Variants in BCL11A observed in about 807,000 individuals in gnomAD.
BCL11A encodes B cell CLL/lymphoma 11A.
Under a neutral mutation model 55.9 loss-of-function variants are expected in BCL11A, and 2 were observed. The ratio of observed to expected loss-of-function variants is 0.04; its 90% CI spans 0.01 to 0.11. The LOEUF is 0.11. Ranked by LOEUF, BCL11A falls within the 10% of genes least tolerant of loss-of-function variation. BCL11A has a pLI of 1.00. For synonymous variants in BCL11A, 465 were observed against 473.4 expected, an observed-to-expected ratio of 0.98 and a Z score of 0.23; for missense variants, 817 against 1,137.1, an observed-to-expected ratio of 0.72 and a Z score of 4.05.
chr2:60,459,342 C>T lies in BCL11A; in HGVS notation c.*1062G>A, dbSNP rs535402000. The T allele has an allele frequency of 4.6e-5, 47 of 1,017,608 alleles. No individual in the cohort carries two copies. Among genetic ancestry groups the T allele is most frequent in the Non-Finnish European group, 5.1e-5 (43 of 848,292 alleles). The allele number at this position is 1,017,608 out of a possible 1,614,324, so 63.0% of individuals were successfully genotyped here. A position where few individuals can be genotyped will look rare whatever the true frequency, so the allele number is the denominator to read the frequency against. On this transcript the variant is annotated 3_prime_UTR_variant, in exon 4 of 4. Transcript: ENST00000642384. ...AACTCCTTACTAGTGTATTTAATTGCGTTCCAGGGCTTTTGCACATTACAC... is the reference window on the plus strand; with the variant it reads ...AACTCCTTACTAGTGTATTTAATTGTGTTCCAGGGCTTTTGCACATTACAC...
Position 60,538,739 on chromosome 2 carries a change from CTGTGTGTGTGTG to C in BCL11A, c.385+7220_385+7231del, listed in dbSNP as rs777467539. On this transcript the variant is annotated intron_variant, in intron 2 of 3. Transcript: ENST00000642384. ...TGAATGTCTCTCTCTCTCTCTCTCT[CTGTGTGTGTGTG>C]TGTGTGTGTGTGTGTGTGTGTGTGT... Among the ~76,000 whole-genome samples the C allele has an allele frequency of 8.6e-4, 58 of 67,528 alleles. No individual in the cohort carries two copies. In the East Asian group the frequency reaches 0.028, roughly 32 times the overall value. 44.3% of individuals were successfully genotyped at this position (67,528 alleles called of 152,430 possible).
chr2:60,533,756 G>C (rs1669556425), intron 2 of BCL11A: 1 of 152,180 alleles, frequency 6.6e-6, no homozygotes, highest in African/African-American at 2.4e-5. Flanking sequence ...CTCACAGATG[G>C]ACCCCATCAG....
rs374757778 is a variant in BCL11A at position 60,475,983 on chromosome 2, A to G, written c.386-7150T>C. Among the ~76,000 whole-genome samples, 3 of 152,194 alleles carry G rather than the reference A, an allele frequency of 2.0e-5. No individual in the cohort carries two copies. In the East Asian group the frequency reaches 5.8e-4, roughly 29 times the overall value. ...GAATAAATCCTTTCTTTCTGGCCCTAAGTGTTTCCATCTTTAAAAGGAGAA... is the reference window on the plus strand; with the variant it reads ...GAATAAATCCTTTCTTTCTGGCCCTGAGTGTTTCCATCTTTAAAAGGAGAA... On this transcript the variant is annotated intron_variant, in intron 2 of 3. Coordinates refer to ENST00000642384, the MANE Select transcript of BCL11A (RefSeq NM_022893.4).
intron 2 of BCL11A, among the ~76,000 whole-genome samples, chr2:60,470,248 A>G (rs1251657939): frequency 6.6e-6 from 1 of 152,142 alleles, no homozygotes; most frequent in Non-Finnish European, 1.5e-5. Context: ...CTGACCCAAA[A>G]CAAAATAAAC....
intron 2 of BCL11A, among the ~76,000 whole-genome samples, chr2:60,520,132 T>C (rs1057489129): frequency 3.3e-5 from 5 of 152,148 alleles, no homozygotes; most frequent in African/African-American, 9.7e-5. Flanking sequence ...CCAAAGATAA[T>C]AGAATATACC....
intron 2 of BCL11A, among the ~76,000 whole-genome samples, chr2:60,521,077 ACACACACACACACACACACACACT>A (rs1405875935): frequency 1.3e-5 from 1 of 78,902 alleles, no homozygotes; most frequent in Non-Finnish European, 3.0e-5. Context: ...GCACACACAC[ACACACACACACACACACACACACT>A]CACACACACA....
intron 2 of BCL11A, among the ~76,000 whole-genome samples, chr2:60,469,478 C>A (rs932104001): frequency 6.6e-6 from 1 of 152,188 alleles, no homozygotes; most frequent in Non-Finnish European, 1.5e-5. Context: ...TGTGGCTTCT[C>A]ACAATACAAA....
intron 2 of BCL11A, among the ~76,000 whole-genome samples, chr2:60,514,495 T>TAA (rs58972358): frequency 1.1e-4 from 13 of 119,340 alleles, no homozygotes; most frequent in African/African-American, 2.9e-4. Flanking sequence ...CATCTCTACT[T>TAA]AAAAAAAAAA....
chr2:60,507,301 G>A lies in BCL11A; in HGVS notation c.386-38468C>T, dbSNP rs1328636775. ...GGGGAGGGGAGGGGAGGGGAGGGGA[G>A]GGGAGGGGAGGGGAGGGGAAGGGAA... On this transcript the variant is annotated intron_variant, in intron 2 of 3. Coordinates refer to ENST00000642384, the MANE Select transcript of BCL11A (RefSeq NM_022893.4). Among the ~76,000 whole-genome samples the A allele has an allele frequency of 4.7e-3, 6 of 1,278 alleles. 1 individual carries two copies. The highest frequency in any genetic ancestry group is 0.017 in the African/African-American group (3 of 172). The allele number at this position is 1,278 out of a possible 152,430, so 0.8% of individuals were successfully genotyped here. A position where few individuals can be genotyped will look rare whatever the true frequency, so the allele number is the denominator to read the frequency against.
intron 2 of BCL11A, chr2:60,545,640 A>G (rs1670114881): frequency 8.0e-6 from 2 of 249,004 alleles, no homozygotes; most frequent in Non-Finnish European, 1.6e-5. Flanking sequence ...GGACAATGGA[A>G]GCTGGACTAG....
At chr2:60,475,128 G>C (rs1677505480) in intron 2 of BCL11A, among the ~76,000 whole-genome samples, 1 of 152,188 alleles carries the variant, frequency 6.6e-6, no homozygotes, top group South Asian at 2.1e-4. Context: ...CAGAGTAAAT[G>C]GGGCCCAATA....
chr2:60,489,154 A>G (rs1428160485), intron 2 of BCL11A, among the ~76,000 whole-genome samples: 1 of 152,244 alleles, frequency 6.6e-6, no homozygotes, highest in African/African-American at 2.4e-5. Context: ...TTAGACCCCA[A>G]TTAAACTGTT....
chr2:60,498,302 G>A (rs1679068581), intron 2 of BCL11A, among the ~76,000 whole-genome samples: 1 of 151,902 alleles, frequency 6.6e-6, no homozygotes, highest in Admixed American at 6.6e-5. Context: ...ACTGAAGGCT[G>A]GGCACAGCCT....
chr2:60,479,908 G>A (rs1572984160), intron 2 of BCL11A, among the ~76,000 whole-genome samples: 1 of 152,254 alleles, frequency 6.6e-6, no homozygotes, highest in East Asian at 1.9e-4. Context: ...TCCACCAACC[G>A]TTTTTTGATT....
At chr2:60,524,190 C>G (rs944679715) in intron 2 of BCL11A, among the ~76,000 whole-genome samples, 2 of 152,304 alleles carry the variant, frequency 1.3e-5, no homozygotes, top group Admixed American at 6.5e-5. Context: ...ACTGTCCTAG[C>G]GGCAGCTTCC....
chr2:60,460,051 T>TAA lies in BCL11A; in HGVS notation c.*351_*352dup. 1.8e-6 allele frequency: 2 copies of TAA among 1,081,346 alleles called. No individual in the cohort carries two copies. Among genetic ancestry groups the TAA allele is most frequent in the Non-Finnish European group, 1.1e-6 (1 of 891,536 alleles). The allele number at this position is 1,081,346 out of a possible 1,614,324, so 67.0% of individuals were successfully genotyped here. The stretch of plus-strand genomic sequence containing the variant: ...ACATACCATACATGCTGTCTAAGTT[T>TAA]AAAAAAAAACATACACAACATGTAA... On this transcript the variant is annotated 3_prime_UTR_variant, in exon 4 of 4. Transcript: ENST00000642384.
intron 1 of BCL11A, among the ~76,000 whole-genome samples, chr2:60,548,239 T>A (rs186740108): frequency 2.0e-3 from 305 of 151,920 alleles, no homozygotes; most frequent in African/African-American, 7.0e-3. Context: ...GTTTACAGAC[T>A]GAAGGAAGAC....
At chr2:60,495,803 G>A (rs186427268) in intron 2 of BCL11A, 2 of 152,282 alleles carry the variant, frequency 1.3e-5, no homozygotes, top group Admixed American at 1.3e-4. Context: ...TCAAAGACAG[G>A]CAATTCAATA....
In BCL11A at chr2:60,459,667, T is replaced by C. The variant is rs1676124891; in HGVS notation, c.*737A>G. 5 of 1,033,724 alleles carry C rather than the reference T, an allele frequency of 4.8e-6. No individual in the cohort carries two copies. The South Asian group carries it at 1.4e-4, about 29-fold the overall frequency. The allele number at this position is 1,033,724 out of a possible 1,614,324, so 64.0% of individuals were successfully genotyped here. A position where few individuals can be genotyped will look rare whatever the true frequency, so the allele number is the denominator to read the frequency against. On this transcript the variant is annotated 3_prime_UTR_variant, in exon 4 of 4. Coordinates refer to ENST00000642384, the MANE Select transcript of BCL11A (RefSeq NM_022893.4). ...GAAAGAACCATCGATGTGGTTTTAATAGATCCAAGGCACTCATATTTTAAA... is the reference window on the plus strand; with the variant it reads ...GAAAGAACCATCGATGTGGTTTTAACAGATCCAAGGCACTCATATTTTAAA...
Sources: gnomAD v4.1 joint callset for allele counts (sites outside exome capture counted in the v4.1 genomes callset) on GRCh38, gnomAD v4.1.1 for gene constraint, MANE v1.5 for transcripts, NCBI Gene and HGNC (gene_info 2026-07-23, HGNC 2026-07-21) for gene names.